Variants in C2CD5 observed in about 807,000 individuals in gnomAD.
C2CD5 encodes C2 domain-containing protein 5.
C2CD5 carries 109 observed loss-of-function variants against 130.3 expected under a neutral mutation model. The ratio of observed to expected loss-of-function variants is 0.84; its 90% confidence interval spans 0.72 to 0.98. The LOEUF (loss-of-function observed/expected upper bound fraction) is 0.98, where lower values mean the gene tolerates loss of function less well. Ranked by LOEUF, C2CD5 falls within the 50% of genes least tolerant of loss-of-function variation. The pLI, the probability that C2CD5 is intolerant of heterozygous loss-of-function variation, is 0.00. For missense variants in C2CD5, 996 were observed against 1,261.8 expected, an observed-to-expected ratio of 0.79 and a Z score of 3.19; for synonymous variants, 454 against 429.2, an observed-to-expected ratio of 1.06 and a Z score of -0.71.
chr12:22,507,523 A>G (rs1358926227), intron 9 of C2CD5, among the ~76,000 whole-genome samples: 1 of 152,272 alleles, frequency 6.6e-6, no homozygotes. Flanking sequence ...CTTCTCTCTT[A>G]AAGAATAAAA....
intron 10 of C2CD5, among the ~76,000 whole-genome samples, chr12:22,499,856 A>C (rs908874934): frequency 6.6e-6 from 1 of 152,208 alleles, no homozygotes; most frequent in African/African-American, 2.4e-5. Context: ...TTTTAAAAAT[A>C]AATTCTAATA....
chr12:22,457,110 C>T lies in C2CD5; in HGVS notation c.2738G>A (p.Arg913His), dbSNP rs200468765. The change falls in exon 25 of 27, where the codon CGT becomes CAT. Residue 913 changes from arginine (R) to histidine (H), a missense_variant. Arg to His is a conservative substitution (Grantham distance 29, BLOSUM62 0). Coordinates refer to ENST00000446597, the MANE Select transcript of C2CD5 (RefSeq NM_001286176.2). ...SPVGDGNFRN[R>H]SAPPCANSTV... Reference sequence around the variant, plus strand: ...GGAATTTGCACAAGGTGGAGCAGAACGATTCCGGAAATTTCCATCACCCAC... The same window carrying T: ...GGAATTTGCACAAGGTGGAGCAGAATGATTCCGGAAATTTCCATCACCCAC... 1.7e-4 allele frequency: 275 copies of T among 1,611,166 alleles called. 1 individual carries two copies. The highest frequency in any genetic ancestry group is 3.1e-4 in the East Asian group (14 of 44,706).
chr12:22,456,842 A>G, intron 25 of C2CD5, 129 bp downstream of exon 25: 1 of 569,190 alleles, frequency 1.8e-6, no homozygotes, highest in Non-Finnish European at 3.0e-6. Flanking sequence ...TCTAGACTCA[A>G]TCCAGATAAT....
intron 15 of C2CD5, among the ~76,000 whole-genome samples, chr12:22,475,284 T>G (rs1943678226): frequency 6.6e-6 from 1 of 152,314 alleles, no homozygotes; most frequent in African/African-American, 2.4e-5. Flanking sequence ...CTAGAAAGAA[T>G]TCTAATCTTT....
At chr12:22,458,661 C>T (rs1940463520) in intron 23 of C2CD5, 76 bp from the exon 24 acceptor site, 1 of 507,102 alleles carries the variant, frequency 2.0e-6, no homozygotes, top group Non-Finnish European at 3.1e-6. Context: ...CGTCTTAACA[C>T]TCCTTTCGAT....
chr12:22,527,441 C>A (rs1188938930), intron 4 of C2CD5, among the ~76,000 whole-genome samples: 1 of 151,418 alleles, frequency 6.6e-6, no homozygotes, highest in African/African-American at 2.4e-5. Context: ...GCCTCACCCT[C>A]CCAAGTAGCT....
chr12:22,465,831 T>C (rs973817772), intron 22 of C2CD5, among the ~76,000 whole-genome samples: 1 of 152,118 alleles, frequency 6.6e-6, no homozygotes, highest in Non-Finnish European at 1.5e-5. Flanking sequence ...ATAATTTATG[T>C]TGATACCATA....
intron 2 of C2CD5, among the ~76,000 whole-genome samples, chr12:22,536,956 C>T (rs1305059818): frequency 5.9e-5 from 9 of 152,052 alleles, no homozygotes; most frequent in Admixed American, 5.9e-4. Flanking sequence ...ATATTCAAGG[C>T]ATGATGGAAA....
At chr12:22,488,834 G>C (rs1591813976) in intron 12 of C2CD5, among the ~76,000 whole-genome samples, 4 of 150,284 alleles carry the variant, frequency 2.7e-5, no homozygotes, top group Non-Finnish European at 5.9e-5. Context: ...ATAAATGCGT[G>C]CAAGTTTATA....
intron 13 of C2CD5, 64 bp from the exon 14 acceptor site, chr12:22,482,807 TA>T: frequency 8.7e-7 from 1 of 1,149,818 alleles, no homozygotes; most frequent in African/African-American, 1.5e-5. Context: ...GTCCAAATTT[TA>T]AAACTTGCTA....
intron 14 of C2CD5, among the ~76,000 whole-genome samples, chr12:22,482,001 G>A (rs1032687739): frequency 1.3e-5 from 2 of 151,798 alleles, no homozygotes; most frequent in Admixed American, 1.3e-4. Flanking sequence ...AAGTTTAATT[G>A]TCTGTCCAAT....
intron 26 of C2CD5, among the ~76,000 whole-genome samples, chr12:22,450,242 A>G (rs12315612): frequency 0.065 from 9,889 of 152,222 alleles, 1,043 homozygotes; most frequent in African/African-American, 0.22. Flanking sequence ...TAACACTGCA[A>G]CAGGAAGTGC....
chr12:22,536,576 T>C lies in C2CD5; in HGVS notation c.91-1232A>G, dbSNP rs1259124562. ...TATATGTACTGTCACTAGAAGATAT[T>C]ACACAATAACTGAAAAAACAAGTAG... On this transcript the variant is annotated intron_variant, in intron 2 of 26. Coordinates refer to ENST00000446597, the MANE Select transcript of C2CD5 (RefSeq NM_001286176.2). Among the ~76,000 whole-genome samples the C allele has an allele frequency of 2.6e-5, 4 of 152,240 alleles. No homozygotes were observed. In the East Asian group the frequency reaches 7.7e-4, roughly 29 times the overall value.
At chr12:22,522,772 T>G (rs757068230) in intron 7 of C2CD5, among the ~76,000 whole-genome samples, 1 of 152,244 alleles carries the variant, frequency 6.6e-6, no homozygotes, top group African/African-American at 2.4e-5. Context: ...TTAATAAGTA[T>G]AATTGGATTA....
intron 2 of C2CD5, among the ~76,000 whole-genome samples, chr12:22,540,543 GA>G (rs1383146718): frequency 6.6e-6 from 1 of 152,140 alleles, no homozygotes; most frequent in Non-Finnish European, 1.5e-5. Flanking sequence ...TTATGGTCAT[GA>G]AAAAGTACTT....
chr12:22,479,303 A>C (rs1424959147), intron 14 of C2CD5, among the ~76,000 whole-genome samples: 2 of 151,902 alleles, frequency 1.3e-5, no homozygotes, highest in East Asian at 1.9e-4. Context: ...CCAACTCCTG[A>C]CCTCAATTGA....
In C2CD5 at chr12:22,470,922, A is replaced by G. The variant is rs752814618; in HGVS notation, c.2359-11T>C. 6.3e-7 allele frequency: 1 copy of G among 1,588,154 alleles called. No homozygotes were observed. The highest frequency in any genetic ancestry group is 8.6e-7 in the Non-Finnish European group (1 of 1,159,018). On this transcript the variant is annotated splice_polypyrimidine_tract_variant and intron_variant, in intron 20 of 26. Transcript: ENST00000446597. ...TGCCGTGACTGTAACCTAGAATTAT[A>G]AAAACAATAATGGTTAGCAAAATAA...
At chr12:22,458,864 A>G in intron 23 of C2CD5, 1 of 233,032 alleles carries the variant, frequency 4.3e-6, no homozygotes. Flanking sequence ...ATAAATATCA[A>G]TGAAAGGACC....
At chr12:22,459,369 A>AG in intron 23 of C2CD5, 123 bp downstream of exon 23, 1 of 497,490 alleles carries the variant, frequency 2.0e-6, no homozygotes, top group Non-Finnish European at 3.5e-6. Context: ...AAAAAAAAAA[A>AG]GCCAGATTTT....
Sources: gnomAD v4.1 joint callset for allele counts (sites outside exome capture counted in the v4.1 genomes callset) on GRCh38, gnomAD v4.1.1 for gene constraint, MANE v1.5 for transcripts, NCBI Gene and HGNC (gene_info 2026-07-23, HGNC 2026-07-21) for gene names.